GRK5: variants seen among roughly 807,000 people sequenced by gnomAD.
GRK5 encodes G protein-coupled receptor kinase 5.
A neutral mutation model predicts 78.4 loss-of-function variants in GRK5; 40 were observed. That is an observed-to-expected ratio of 0.51 (90% CI 0.40 to 0.66). The LOEUF (loss-of-function observed/expected upper bound fraction) is 0.66. Ranked by LOEUF, GRK5 falls within the 30% of genes least tolerant of loss-of-function variation. GRK5 has a pLI of 0.00. For synonymous variants in GRK5, 289 were observed against 296.8 expected (o/e 0.97, Z 0.27); for missense variants, 598 against 759.9 (o/e 0.79, Z 2.50).
chr10:119,403,760 A>ACTTGG (rs1589791005), intron 4 of GRK5, among the ~76,000 whole-genome samples: 1 of 152,046 alleles, frequency 6.6e-6, no homozygotes, highest in East Asian at 1.9e-4. Context: ...CCGCCTCCCA[A>ACTTGG]GTAGCTGGGA....
intron 1 of GRK5, among the ~76,000 whole-genome samples, chr10:119,261,948 C>T (rs929643488): frequency 5.9e-5 from 9 of 151,868 alleles, no homozygotes; most frequent in South Asian, 2.1e-4. Context: ...GGGAGAGGAC[C>T]GTCTGCTTTA....
At chr10:119,286,521 A>C (rs1304810719) in intron 1 of GRK5, among the ~76,000 whole-genome samples, 2 of 152,250 alleles carry the variant, frequency 1.3e-5, no homozygotes, top group Non-Finnish European at 2.9e-5. Flanking sequence ...GGCCCCCCTC[A>C]GCCTTCCTTA....
intron 4 of GRK5, among the ~76,000 whole-genome samples, chr10:119,418,747 T>C (rs1852512666): frequency 6.6e-6 from 1 of 152,112 alleles, no homozygotes; most frequent in African/African-American, 2.4e-5. Flanking sequence ...CACTGTTGTG[T>C]TAAAGTCGAG....
chr10:119,436,659 G>T lies in GRK5; in HGVS notation c.747G>T (p.Leu249=). Residue 249 remains leucine (L), a synonymous_variant, in exon 9 of 16, where the codon CTG becomes CTT. Coordinates refer to ENST00000392870, the MANE Select transcript of GRK5 (RefSeq NM_005308.3). ...TGTTCTTGTGCTCCCAGGTCAACCT[G>T]GCCTATGCCTACGAGACCAAGGATG... is the stretch of plus-strand genomic sequence containing the variant. The part of the protein sequence containing the change: ...EKVNSQFVVN[L]AYAYETKDAL... The T allele has an allele frequency of 1.2e-6, 2 of 1,614,148 alleles. No homozygotes were observed. The highest frequency in any genetic ancestry group is 2.2e-5 in the South Asian group (2 of 91,078).
intron 2 of GRK5, among the ~76,000 whole-genome samples, chr10:119,356,784 G>A (rs967710551): frequency 3.3e-5 from 5 of 152,216 alleles, no homozygotes; most frequent in African/African-American, 1.2e-4. Context: ...CTCAGCCCAA[G>A]CCACTACCGA....
chr10:119,252,249 T>G (rs1849216398), intron 1 of GRK5, among the ~76,000 whole-genome samples: 1 of 152,160 alleles, frequency 6.6e-6, no homozygotes, highest in African/African-American at 2.4e-5. Context: ...AGTTGACAGT[T>G]GATGGATCAC....
chr10:119,348,124 G>T (rs1367012759), intron 2 of GRK5, among the ~76,000 whole-genome samples: 1 of 152,226 alleles, frequency 6.6e-6, no homozygotes, highest in Non-Finnish European at 1.5e-5. Context: ...TGCTATGTGT[G>T]TTGGCTTAAT....
intron 4 of GRK5, among the ~76,000 whole-genome samples, chr10:119,407,654 A>G (rs939301110): frequency 1.3e-5 from 2 of 152,222 alleles, no homozygotes; most frequent in Admixed American, 1.3e-4. Flanking sequence ...TGACTATCCT[A>G]TGTAGTAGAC....
rs963432112 is a variant in GRK5, at chr10:119,394,960, T to A, written c.262-1735T>A. On this transcript the variant is annotated intron_variant, in intron 3 of 15. Transcript: ENST00000392870. ...CCTTAAAGCATCTCAGGAATTCATC[T>A]CTCGAGTCAAATCATCAAGAAGTGC... 2.0e-5 allele frequency among the ~76,000 whole-genome samples: 3 copies of A among 151,024 alleles called. 1 individual carries two copies. Among genetic ancestry groups the A allele is most frequent in the Non-Finnish European group, 4.4e-5 (3 of 67,940 alleles).
chr10:119,283,385 A>C (rs1395285605), intron 1 of GRK5, among the ~76,000 whole-genome samples: 1 of 152,126 alleles, frequency 6.6e-6, no homozygotes, highest in Non-Finnish European at 1.5e-5. Context: ...TCCACACCCC[A>C]TTCCCACCTC....
At chr10:119,363,222 G>C (rs560632711) in intron 2 of GRK5, among the ~76,000 whole-genome samples, 1 of 151,656 alleles carries the variant, frequency 6.6e-6, no homozygotes, top group Admixed American at 6.6e-5. Context: ...CAGAGGTTGC[G>C]GTGAGCCAAG....
intron 1 of GRK5, among the ~76,000 whole-genome samples, chr10:119,230,161 C>G (rs1848802419): frequency 6.6e-6 from 1 of 152,200 alleles, no homozygotes; most frequent in Non-Finnish European, 1.5e-5. Flanking sequence ...CTCTGAGTGT[C>G]AGGCTAGAAT....
In GRK5 at chr10:119,317,675, G is replaced by A. The variant is rs141209355; in HGVS notation, c.53-8841G>A. ...TGACTCAAGTCAGGCAGGACGCAGC[G>A]ACCTTGTCAGAGTCAGAGCCCAGGA... On this transcript the variant is annotated intron_variant, in intron 1 of 15. Transcript: ENST00000392870. Among the ~76,000 whole-genome samples the A allele has an allele frequency of 1.8e-4, 28 of 152,252 alleles. No homozygotes were observed. In the East Asian group the frequency reaches 4.6e-3, roughly 25 times the overall value.
At chr10:119,393,884 CTGTA>C (rs1851927763) in intron 3 of GRK5, among the ~76,000 whole-genome samples, 1 of 149,074 alleles carries the variant, frequency 6.7e-6, no homozygotes, top group African/African-American at 2.5e-5. Flanking sequence ...GTGTGGGTGT[CTGTA>C]TGTGTGTGTG....
At chr10:119,321,183 T>C (rs1377130613) in intron 1 of GRK5, among the ~76,000 whole-genome samples, 3 of 152,204 alleles carry the variant, frequency 2.0e-5, no homozygotes, top group Non-Finnish European at 4.4e-5. Flanking sequence ...GTTTATTTCA[T>C]GGCACTTTTA....
chr10:119,280,513 C>T (rs1221513920), intron 1 of GRK5, among the ~76,000 whole-genome samples: 1 of 152,190 alleles, frequency 6.6e-6, no homozygotes, highest in Non-Finnish European at 1.5e-5. Context: ...TCCCATCTCT[C>T]AGCCTTTGTA....
At chr10:119,262,339 T>G (rs1005610355) in intron 1 of GRK5, among the ~76,000 whole-genome samples, 1 of 129,526 alleles carries the variant, frequency 7.7e-6, no homozygotes, top group Admixed American at 7.7e-5. Context: ...GTTTTTTTTT[T>G]TTTTTTTTTT....
chr10:119,401,054 T>A (rs946846121), intron 4 of GRK5, among the ~76,000 whole-genome samples: 3 of 152,072 alleles, frequency 2.0e-5, no homozygotes, highest in African/African-American at 7.2e-5. Flanking sequence ...GCTGGACACA[T>A]GGTTCTCGAT....
intron 1 of GRK5, among the ~76,000 whole-genome samples, chr10:119,209,372 A>G (rs1848443603): frequency 1.3e-5 from 2 of 152,134 alleles, no homozygotes; most frequent in South Asian, 4.1e-4. Context: ...CAGAGTTTAA[A>G]ATATTCAGGT....
Sources: allele counts gnomAD v4.1 joint callset (sites outside exome capture counted in the v4.1 genomes callset), GRCh38; gene constraint gnomAD v4.1.1; transcripts MANE v1.5; gene names NCBI Gene and HGNC (gene_info 2026-07-23, HGNC 2026-07-21).